The following WIPI1 variants were observed in gnomAD, a reference collection of about 807,000 sequenced individuals.
WIPI1 encodes WD repeat domain phosphoinositide-interacting protein 1.
Under a neutral mutation model 55.3 loss-of-function variants are expected in WIPI1, and 45 were observed. That is an observed-to-expected ratio of 0.81 (90% CI 0.64 to 1.04). The LOEUF is 1.04. Among genes scored for constraint, WIPI1 ranks in the 50% least tolerant of loss-of-function variants. WIPI1 has a pLI of 0.00. For synonymous variants in WIPI1, 195 were observed against 217.6 expected, an observed-to-expected ratio of 0.90 and a Z score of 0.92; for missense variants, 445 against 559.0, an observed-to-expected ratio of 0.80 and a Z score of 2.06.
chr17:68,437,491 C>G (rs1272492968), intron 4 of WIPI1, among the ~76,000 whole-genome samples: 1 of 150,906 alleles, frequency 6.6e-6, no homozygotes, highest in East Asian at 2.0e-4. Context: ...GAGGTGGAGG[C>G]TGCAGTGAGT....
At chr17:68,438,423 A>C (rs1252489156) in intron 4 of WIPI1, among the ~76,000 whole-genome samples, 1 of 152,182 alleles carries the variant, frequency 6.6e-6, no homozygotes, top group African/African-American at 2.4e-5. Flanking sequence ...TAGTCTTGTG[A>C]AACTGGGGAG....
intron 4 of WIPI1, among the ~76,000 whole-genome samples, chr17:68,441,710 C>G (rs556388433): frequency 6.6e-6 from 1 of 152,286 alleles, no homozygotes; most frequent in Admixed American, 6.5e-5. Flanking sequence ...CCTTTGCCCA[C>G]CCAGGCCACA....
intron 3 of WIPI1, among the ~76,000 whole-genome samples, chr17:68,445,911 C>T (rs2084265490): frequency 6.6e-6 from 1 of 152,156 alleles, no homozygotes; most frequent in Non-Finnish European, 1.5e-5. Flanking sequence ...CCTGGGCTCT[C>T]CCCGGAGATT....
intron 10 of WIPI1, 173 bp from the exon 11 acceptor site, chr17:68,427,426 G>A (rs1332671940): frequency 2.6e-5 from 12 of 462,280 alleles, no homozygotes; most frequent in African/African-American, 1.2e-4. Flanking sequence ...GCGCAATCTC[G>A]GCTCACTGCA....
chr17:68,443,229 A>G (rs1018860361), intron 4 of WIPI1, among the ~76,000 whole-genome samples: 63 of 150,518 alleles, frequency 4.2e-4, no homozygotes, highest in African/African-American at 1.5e-3. Context: ...TCCTGTCTCA[A>G]CCTCCCAAGT....
At chr17:68,445,761 T>C (rs1317302543) in intron 3 of WIPI1, among the ~76,000 whole-genome samples, 1 of 152,092 alleles carries the variant, frequency 6.6e-6, no homozygotes, top group Non-Finnish European at 1.5e-5. Flanking sequence ...GGTGAGGAGG[T>C]GTCAGGAAGG....
At position 68,452,903 on chromosome 17, in the gene WIPI1, CACTT is replaced by C. The variant is rs1302514748; in HGVS notation, c.163+3_163+6del. The C allele has an allele frequency of 1.9e-6, 3 of 1,613,382 alleles. No homozygotes were observed. The highest frequency in any genetic ancestry group is 2.5e-6 in the Non-Finnish European group (3 of 1,179,846). Reference sequence around the variant, plus strand: ...AGATCCCTGAGGTCTCTCTCACACACACTTACTGCTTCCGTGGACTTGATCCAGC... The same window carrying C: ...AGATCCCTGAGGTCTCTCTCACACACACTGCTTCCGTGGACTTGATCCAGC... On this transcript the variant is annotated splice_donor_5th_base_variant and intron_variant, in intron 2 of 12. Coordinates refer to ENST00000262139, the MANE Select transcript of WIPI1 (RefSeq NM_017983.7).
chr17:68,454,348 A>C (rs1241178102), intron 1 of WIPI1, among the ~76,000 whole-genome samples: 1 of 152,230 alleles, frequency 6.6e-6, no homozygotes, highest in Non-Finnish European at 1.5e-5. Context: ...TACTATTACA[A>C]GCCTGGATGG....
intron 1 of WIPI1, among the ~76,000 whole-genome samples, chr17:68,454,701 TA>T (rs2084602127): frequency 1.3e-5 from 2 of 152,354 alleles, no homozygotes; most frequent in African/African-American, 4.8e-5. Flanking sequence ...TTTCTTCACA[TA>T]AACTTTTTCA....
Position 68,433,524 on chromosome 17 carries a change from G to A in WIPI1, c.744C>T (p.Cys248=), listed in dbSNP as rs756403170. The A allele has an allele frequency of 6.2e-6, 10 of 1,613,750 alleles. No homozygotes were observed. The highest frequency in any genetic ancestry group is 4.0e-5 in the African/African-American group (3 of 74,804). The change falls in exon 8 of 13, where the codon TGC becomes TGT. Residue 248 remains cysteine (C), a synonymous_variant. Coordinates refer to ENST00000262139, the MANE Select transcript of WIPI1 (RefSeq NM_017983.7). The stretch of plus-strand genomic sequence containing the variant: ...GTACCGTCTCGGTGTTACTGGAGGC[G>A]CAGAGGAATTGTGAATCCATACTGA... ...LVFSMDSQFL[C]ASSNTETVHI... is the part of the protein sequence containing the mutation.
intron 4 of WIPI1, among the ~76,000 whole-genome samples, chr17:68,441,884 G>T (rs1399680937): frequency 6.6e-6 from 1 of 152,192 alleles, no homozygotes; most frequent in East Asian, 1.9e-4. Flanking sequence ...GGTCTAAAAA[G>T]ACACAGTTTG....
At chr17:68,427,357 G>A (rs972159590) in intron 10 of WIPI1, 104 bp from the exon 11 acceptor site, 9 of 868,008 alleles carry the variant, frequency 1.0e-5, no homozygotes, top group Admixed American at 4.5e-5. Flanking sequence ...CAGCTCTGTG[G>A]GTTATTTATT....
At chr17:68,455,291 G>A (rs1223423725) in intron 1 of WIPI1, among the ~76,000 whole-genome samples, 1 of 149,912 alleles carries the variant, frequency 6.7e-6, no homozygotes, top group Non-Finnish European at 1.5e-5. Context: ...TGAACCCTGG[G>A]AGGCAGAGGC....
chr17:68,452,920 G>T lies in WIPI1; in HGVS notation c.153C>A (p.Val51=). ...SLSSVEQLDQ[V]HGSNEIPDVY... ...CTCACACACACTTACTGCTTCCGTG[G>T]ACTTGATCCAGCTGCTCCACAGAAC... Residue 51 remains valine, a synonymous_variant, in exon 2 of 13, where the codon GTC becomes GTA. Coordinates refer to ENST00000262139, the MANE Select transcript of WIPI1 (RefSeq NM_017983.7). 6.2e-7 allele frequency: 1 copy of T among 1,613,886 alleles called. No individual in the cohort carries two copies. Among genetic ancestry groups the T allele is most frequent in the South Asian group, 1.1e-5 (1 of 91,076 alleles).
At chr17:68,433,937 C>T (rs2083658595) in intron 7 of WIPI1, among the ~76,000 whole-genome samples, 1 of 151,968 alleles carries the variant, frequency 6.6e-6, no homozygotes, top group South Asian at 2.1e-4. Flanking sequence ...CACACACCAC[C>T]ACACCCAGCT....
intron 11 of WIPI1, 78 bp from the exon 12 acceptor site, chr17:68,426,253 G>GGGGGGGGGGGGGGGGGGA: frequency 2.4e-6 from 2 of 841,018 alleles, no homozygotes; most frequent in African/African-American, 1.7e-5. Context: ...GGGGAGCGGG[G>GGGGGGGGGGGGGGGGGGA]GCTCAAATAA....
intron 1 of WIPI1, among the ~76,000 whole-genome samples, chr17:68,455,497 A>C (rs1023718373): frequency 1.3e-5 from 2 of 152,170 alleles, no homozygotes; most frequent in African/African-American, 4.8e-5. Context: ...TTCAGCCTAC[A>C]TTTATAGAAA....
At chr17:68,443,087 CT>C (rs1040868681) in intron 4 of WIPI1, among the ~76,000 whole-genome samples, 19 of 152,078 alleles carry the variant, frequency 1.2e-4, no homozygotes, top group Admixed American at 3.3e-4. Context: ...TGGCTTTGTT[CT>C]TTTATTTATT....
intron 4 of WIPI1, among the ~76,000 whole-genome samples, chr17:68,437,946 CT>C (rs201647971): frequency 0.057 from 4,332 of 75,646 alleles, 478 homozygotes; most frequent in Middle Eastern, 0.11. Flanking sequence ...AGACATCTCT[CT>C]TAAAAAAAAA....
Sources: gnomAD v4.1 joint callset for allele counts (sites outside exome capture counted in the v4.1 genomes callset) on GRCh38, gnomAD v4.1.1 for gene constraint, MANE v1.5 for transcripts, NCBI Gene and HGNC (gene_info 2026-07-23, HGNC 2026-07-21) for gene names.